The following PRKN variants were observed in gnomAD, a reference collection of about 807,000 sequenced individuals.
The protein encoded by PRKN is E3 ubiquitin-protein ligase parkin.
Under a neutral mutation model 59.5 loss-of-function variants are expected in PRKN, and 56 were observed. The observed-to-expected ratio is 0.94, with a 90% CI of 0.76 to 1.18. PRKN has a LOEUF of 1.18. Among genes scored for constraint, PRKN ranks in the 50% most tolerant of loss-of-function variants. The probability of loss-of-function intolerance (pLI) is 0.00; values close to 1 mark genes in which losing one functional copy is unlikely to be tolerated. For missense variants in PRKN, 657 were observed against 596.4 expected, an observed-to-expected ratio of 1.10 and a Z score of -1.06; for synonymous variants, 250 against 222.1, an observed-to-expected ratio of 1.13 and a Z score of -1.12.
chr6:161,559,458 A>G (rs1279987744), intron 8 of PRKN, among the ~76,000 whole-genome samples: 2 of 152,196 alleles, frequency 1.3e-5, no homozygotes, highest in Non-Finnish European at 2.9e-5. Flanking sequence ...CTTTGCTCTC[A>G]TCCCAGAGAA....
At chr6:162,043,603 C>A (rs1784146148) in intron 5 of PRKN, among the ~76,000 whole-genome samples, 1 of 152,156 alleles carries the variant, frequency 6.6e-6, no homozygotes, top group Non-Finnish European at 1.5e-5. Flanking sequence ...CTCAAACTGT[C>A]CAGCATGTAG....
chr6:161,739,002 G>A (rs977014448), intron 7 of PRKN, among the ~76,000 whole-genome samples: 4 of 152,174 alleles, frequency 2.6e-5, no homozygotes, highest in African/African-American at 9.7e-5. Context: ...ACTGGTCAAA[G>A]CCCCTACTGG....
chr6:161,517,672 G>A (rs543181832), intron 9 of PRKN, among the ~76,000 whole-genome samples: 185 of 138,154 alleles, frequency 1.3e-3, no homozygotes, highest in African/African-American at 4.2e-3. Context: ...CCTGGAAGGC[G>A]GAGCTTGCAG....
rs555961277 is a variant in PRKN at position 162,254,889 on chromosome 6, T to C, written c.412+7636A>G. Among the ~76,000 whole-genome samples the C allele has an allele frequency of 5.3e-5, 8 of 151,856 alleles. No homozygotes were observed. The East Asian group carries it at 5.8e-4, about 11-fold the overall frequency. Reference sequence around the variant, plus strand: ...TTCCCAACATAAAATGGAAAACAAATACATATGCCATACATCATTCAGGGC... The same window carrying C: ...TTCCCAACATAAAATGGAAAACAAACACATATGCCATACATCATTCAGGGC... On this transcript the variant is annotated intron_variant, in intron 3 of 11. Coordinates refer to ENST00000366898, the MANE Select transcript of PRKN (RefSeq NM_004562.3).
chr6:162,184,669 G>A (rs978085522), intron 4 of PRKN, among the ~76,000 whole-genome samples: 6 of 151,992 alleles, frequency 3.9e-5, no homozygotes, highest in East Asian at 3.9e-4. Context: ...ATTATGACCC[G>A]GTCTCCGGTA....
intron 7 of PRKN, among the ~76,000 whole-genome samples, chr6:161,676,084 A>T (rs918462058): frequency 2.6e-5 from 4 of 152,198 alleles, no homozygotes; most frequent in Admixed American, 6.5e-5. Flanking sequence ...ATTCCTAAAC[A>T]ATTCCTGTCC....
At chr6:162,017,356 C>G (rs1043354240) in intron 5 of PRKN, among the ~76,000 whole-genome samples, 1 of 152,096 alleles carries the variant, frequency 6.6e-6, no homozygotes, top group South Asian at 2.1e-4. Flanking sequence ...ATGACCCTTA[C>G]CACATAGAAA....
intron 4 of PRKN, among the ~76,000 whole-genome samples, chr6:162,145,465 G>GA (rs1175168184): frequency 6.6e-6 from 1 of 152,300 alleles, no homozygotes; most frequent in Non-Finnish European, 1.5e-5. Flanking sequence ...ACATTGGGGG[G>GA]AATTATTGTT....
chr6:162,114,147 G>A lies in PRKN; in HGVS notation c.535-59973C>T, dbSNP rs536424753. Among the ~76,000 whole-genome samples the A allele has an allele frequency of 6.7e-3, 1,016 of 151,930 alleles. 14 individuals are homozygous for A. The highest frequency in any genetic ancestry group is 0.022 in the African/African-American group (907 of 41,394). Reference sequence around the variant, plus strand: ...GTAGTATAGTTTGAAGTCAGGTAGCGTGATGCCTCCAGCTTTGTTCTTTTG... The same window carrying A: ...GTAGTATAGTTTGAAGTCAGGTAGCATGATGCCTCCAGCTTTGTTCTTTTG... On this transcript the variant is annotated intron_variant, in intron 4 of 11. Coordinates refer to ENST00000366898, the MANE Select transcript of PRKN (RefSeq NM_004562.3).
Position 161,695,149 on chromosome 6 carries a change from T to G in PRKN, c.871+90623A>C, listed in dbSNP as rs115616871. ...TGGACTAGGACACGGTTTTGCCTAA[T>G]GACTGATTATATCCTGCCTTGGTTA... On this transcript the variant is annotated intron_variant, in intron 7 of 11. Coordinates refer to ENST00000366898, the MANE Select transcript of PRKN (RefSeq NM_004562.3). Among the ~76,000 whole-genome samples, 963 of 152,250 alleles carry G rather than the reference T, an allele frequency of 6.3e-3. 14 individuals carry two copies. The highest frequency in any genetic ancestry group is 0.022 in the African/African-American group (921 of 41,552).
chr6:161,504,531 T>TTTTTTA (rs773251743), intron 9 of PRKN, among the ~76,000 whole-genome samples: 12,527 of 151,682 alleles, frequency 0.083, 755 homozygotes, highest in African/African-American at 0.17. Flanking sequence ...AACTTTCTTT[T>TTTTTTA]TTATTATTAT....
chr6:162,125,996 A>C (rs1781108400), intron 4 of PRKN, among the ~76,000 whole-genome samples: 1 of 152,216 alleles, frequency 6.6e-6, no homozygotes, highest in African/African-American at 2.4e-5. Context: ...TCACCTAAAA[A>C]TTAGCAGCCA....
At chr6:161,639,284 T>C (rs1199397449) in intron 7 of PRKN, among the ~76,000 whole-genome samples, 3 of 152,206 alleles carry the variant, frequency 2.0e-5, no homozygotes, top group Non-Finnish European at 4.4e-5. Context: ...CCTTCTAGAC[T>C]CTGCTGTGGT....
chr6:162,477,335 C>T (rs1792069648), intron 1 of PRKN, among the ~76,000 whole-genome samples: 1 of 152,176 alleles, frequency 6.6e-6, no homozygotes, highest in Non-Finnish European at 1.5e-5. Flanking sequence ...AGTGATACTA[C>T]AGGCAGTCAA....
intron 2 of PRKN, among the ~76,000 whole-genome samples, chr6:162,276,628 TTTAATA>T (rs780933733): frequency 6.6e-6 from 1 of 152,160 alleles, no homozygotes; most frequent in Non-Finnish European, 1.5e-5. Context: ...CTTTTGTCTG[TTTAATA>T]TATTCACTAT....
At chr6:161,812,290 G>A (rs1003047915) in intron 6 of PRKN, among the ~76,000 whole-genome samples, 2 of 152,134 alleles carry the variant, frequency 1.3e-5, no homozygotes, top group African/African-American at 4.8e-5. Context: ...ATACTCAGGA[G>A]GCTAAGGCAG....
At chr6:162,643,040 C>T (rs565135968) in intron 1 of PRKN, among the ~76,000 whole-genome samples, 4 of 152,136 alleles carry the variant, frequency 2.6e-5, no homozygotes, top group African/African-American at 9.6e-5. Flanking sequence ...AATATTAATG[C>T]ACTGACACAA....
chr6:162,609,555 A>T (rs1242800037), intron 1 of PRKN, among the ~76,000 whole-genome samples: 2 of 152,290 alleles, frequency 1.3e-5, no homozygotes, highest in East Asian at 3.9e-4. Flanking sequence ...TATCAAATTG[A>T]CTGTGCATTG....
At chr6:162,318,288 C>T (rs746505331) in intron 2 of PRKN, among the ~76,000 whole-genome samples, 1 of 151,984 alleles carries the variant, frequency 6.6e-6, no homozygotes, top group Non-Finnish European at 1.5e-5. Context: ...ATGAAAAATG[C>T]CTACAGCAGC....
Sources: gnomAD v4.1 joint callset for allele counts (sites outside exome capture counted in the v4.1 genomes callset) on GRCh38, gnomAD v4.1.1 for gene constraint, MANE v1.5 for transcripts, NCBI Gene and HGNC (gene_info 2026-07-23, HGNC 2026-07-21) for gene names.